Variants in HMGCLL1 observed in about 807,000 individuals in gnomAD.
HMGCLL1 encodes 3-hydroxymethyl-3-methylglutaryl-CoA lyase, cytoplasmic.
A neutral mutation model predicts 39.1 loss-of-function variants in HMGCLL1; 36 were observed. The observed-to-expected ratio is 0.92, with a 90% CI of 0.71 to 1.22. The LOEUF is 1.22. HMGCLL1 is among the 50% of genes most tolerant of loss of function. The pLI, the probability that HMGCLL1 is intolerant of heterozygous loss-of-function variation, is 0.00. For synonymous variants in HMGCLL1, 149 were observed against 144.0 expected, an observed-to-expected ratio of 1.03 and a Z score of -0.25; for missense variants, 451 against 416.5, an observed-to-expected ratio of 1.08 and a Z score of -0.72.
intron 1 of HMGCLL1, among the ~76,000 whole-genome samples, chr6:55,553,779 T>G: frequency 6.6e-6 from 1 of 152,230 alleles, no homozygotes; most frequent in Non-Finnish European, 1.5e-5. Context: ...ATTTATCATT[T>G]TAAAATATAA....
At chr6:55,477,182 T>TATTATA (rs1491427320) in intron 7 of HMGCLL1, among the ~76,000 whole-genome samples, 1 of 23,300 alleles carries the variant, frequency 4.3e-5, no homozygotes, top group Non-Finnish European at 6.2e-5. Flanking sequence ...ATATATTATA[T>TATTATA]TTATATATTA....
At chr6:55,572,847 A>C (rs2127477354) in intron 1 of HMGCLL1, among the ~76,000 whole-genome samples, 1 of 152,294 alleles carries the variant, frequency 6.6e-6, no homozygotes, top group South Asian at 2.1e-4. Flanking sequence ...ATTAATGAAA[A>C]CCTAATAGTC....
intron 1 of HMGCLL1, among the ~76,000 whole-genome samples, chr6:55,573,382 C>T (rs1771614286): frequency 6.6e-6 from 1 of 152,054 alleles, no homozygotes; most frequent in Non-Finnish European, 1.5e-5. Context: ...ATAAAACAGA[C>T]TAACTGGAGA....
intron 6 of HMGCLL1, among the ~76,000 whole-genome samples, chr6:55,496,753 G>C (rs1766604403): frequency 1.3e-5 from 2 of 152,108 alleles, no homozygotes; most frequent in African/African-American, 4.8e-5. Flanking sequence ...ACGCATCATA[G>C]ATTGAGGTCT....
At chr6:55,674,692 G>T in the HMGCLL1 span, among the ~76,000 whole-genome samples, 1 of 152,036 alleles carries the variant, frequency 6.6e-6, no homozygotes, top group Admixed American at 6.6e-5. Flanking sequence ...CTATAGGATT[G>T]CATCCAACAA....
chr6:55,611,898 A>G, the HMGCLL1 span, among the ~76,000 whole-genome samples: 27 of 152,308 alleles, frequency 1.8e-4, no homozygotes, highest in African/African-American at 6.5e-4. Flanking sequence ...CCAGCACAAG[A>G]AAAGGATGCC....
At chr6:55,586,171 T>C in the HMGCLL1 span, among the ~76,000 whole-genome samples, 3 of 152,072 alleles carry the variant, frequency 2.0e-5, no homozygotes, top group Non-Finnish European at 2.9e-5. Flanking sequence ...GGCCAGTATG[T>C]TGATAAGTGC....
chr6:55,545,849 G>T (rs192717148), intron 1 of HMGCLL1, among the ~76,000 whole-genome samples: 11 of 152,180 alleles, frequency 7.2e-5, no homozygotes, highest in African/African-American at 2.4e-4. Context: ...CTAAAGATCA[G>T]TAAGAGAGGG....
At chr6:55,466,352 A>G (rs1764798531) in intron 7 of HMGCLL1, among the ~76,000 whole-genome samples, 1 of 152,108 alleles carries the variant, frequency 6.6e-6, no homozygotes, top group Non-Finnish European at 1.5e-5. Context: ...CAGGAAACTG[A>G]TGACCAAGTT....
chr6:55,505,292 C>G (rs539595575), intron 5 of HMGCLL1, among the ~76,000 whole-genome samples: 1 of 151,700 alleles, frequency 6.6e-6, no homozygotes, highest in South Asian at 2.1e-4. Context: ...GTATAAATGT[C>G]ACAAACATTT....
At chr6:55,661,899 G>A in the HMGCLL1 span, among the ~76,000 whole-genome samples, 2 of 151,780 alleles carry the variant, frequency 1.3e-5, no homozygotes, top group Non-Finnish European at 2.9e-5. Context: ...TTGAGCAGTG[G>A]TTTGTAGTTC....
intron 7 of HMGCLL1, among the ~76,000 whole-genome samples, chr6:55,480,000 G>A (rs543689001): frequency 1.3e-5 from 2 of 151,718 alleles, no homozygotes; most frequent in South Asian, 2.1e-4. Flanking sequence ...TGCTTGAAGA[G>A]GTTAAAGAAG....
chr6:55,622,574 C>T, the HMGCLL1 span, among the ~76,000 whole-genome samples: 1 of 152,032 alleles, frequency 6.6e-6, no homozygotes, highest in African/African-American at 2.4e-5. Flanking sequence ...TTGATTTGTG[C>T]ATGTTGAACC....
intron 3 of HMGCLL1, among the ~76,000 whole-genome samples, chr6:55,524,463 T>A (rs1224659585): frequency 1.5e-4 from 20 of 134,524 alleles, no homozygotes; most frequent in East Asian, 4.2e-4. Context: ...TTATAGTCTT[T>A]AAAAAAAAAA....
chr6:55,542,031 A>G lies in HMGCLL1; in HGVS notation c.189+29T>C, dbSNP rs778122632. 3.8e-6 allele frequency: 5 copies of G among 1,324,230 alleles called. No homozygotes were observed. The South Asian group carries it at 4.9e-5, about 13-fold the overall frequency. The allele number at this position is 1,324,230 out of a possible 1,614,324, so 82.0% of individuals were successfully genotyped here. On this transcript the variant is annotated intron_variant, in intron 2 of 8. Coordinates refer to ENST00000274901, the MANE Select transcript of HMGCLL1 (RefSeq NM_001042406.2). ...ATCTTAAATTTATTAATTTGTAGACAGCATTTGAAGTAAATGATGTAAAAC... is the reference window on the plus strand; with the variant it reads ...ATCTTAAATTTATTAATTTGTAGACGGCATTTGAAGTAAATGATGTAAAAC...
At chr6:55,651,989 A>G in the HMGCLL1 span, among the ~76,000 whole-genome samples, 1 of 152,022 alleles carries the variant, frequency 6.6e-6, no homozygotes, top group African/African-American at 2.4e-5. Flanking sequence ...GGTATTGTTG[A>G]TTCAAGGCTG....
chr6:55,652,157 T>G, the HMGCLL1 span, among the ~76,000 whole-genome samples: 1 of 152,112 alleles, frequency 6.6e-6, no homozygotes, highest in Non-Finnish European at 1.5e-5. Flanking sequence ...AAGTGATGTG[T>G]GCTTTTATTC....
chr6:55,657,406 C>T, the HMGCLL1 span, among the ~76,000 whole-genome samples: 2 of 152,012 alleles, frequency 1.3e-5, no homozygotes, highest in African/African-American at 4.8e-5. Context: ...CAATCTTCCA[C>T]ATATGGCTAG....
the HMGCLL1 span, among the ~76,000 whole-genome samples, chr6:55,644,599 T>A: frequency 1.3e-5 from 2 of 152,162 alleles, no homozygotes; most frequent in East Asian, 3.9e-4. Context: ...CAAACCAAGT[T>A]TTATTCTTCT....
Sources: allele counts gnomAD v4.1 joint callset (sites outside exome capture counted in the v4.1 genomes callset), GRCh38; gene constraint gnomAD v4.1.1; transcripts MANE v1.5; gene names NCBI Gene and HGNC (gene_info 2026-07-23, HGNC 2026-07-21).